The following PAM variants were observed in gnomAD, a reference collection of about 807,000 sequenced individuals.
The protein encoded by PAM is peptidylglycine alpha-amidating monooxygenase.
PAM carries 72 observed loss-of-function variants against 122.1 expected under a neutral mutation model. The observed-to-expected ratio is 0.59, with a 90% CI of 0.49 to 0.72. The LOEUF (loss-of-function observed/expected upper bound fraction) is 0.72, where lower values mean the gene tolerates loss of function less well. PAM is among the 30% of genes least tolerant of loss of function. The pLI, the probability that PAM is intolerant of heterozygous loss-of-function variation, is 0.00. For missense variants in PAM, 1,106 were observed against 1,183.7 expected (o/e 0.93, Z 0.96); for synonymous variants, 389 against 404.4 (o/e 0.96, Z 0.46).
intron 1 of PAM, among the ~76,000 whole-genome samples, chr5:102,857,193 C>G (rs989540236): frequency 6.6e-6 from 1 of 152,132 alleles, no homozygotes; most frequent in African/African-American, 2.4e-5. Context: ...GCAGTTTTAA[C>G]AGCTACTCCT....
At chr5:102,789,927 A>G (rs1282336296) in intron 1 of PAM, among the ~76,000 whole-genome samples, 1 of 152,168 alleles carries the variant, frequency 6.6e-6, no homozygotes, top group Non-Finnish European at 1.5e-5. Flanking sequence ...ATTCATATTC[A>G]TAAATATTCA....
intron 15 of PAM, among the ~76,000 whole-genome samples, chr5:102,981,031 T>A (rs1408070526): frequency 1.3e-5 from 2 of 152,180 alleles, no homozygotes; most frequent in Admixed American, 1.3e-4. Context: ...TTTTCCTTCT[T>A]GAAAATTTCC....
At position 103,011,194 on chromosome 5, in the gene PAM, T is replaced by C. The variant is rs181930397; in HGVS notation, c.2331+1328T>C. On this transcript the variant is annotated intron_variant, in intron 21 of 25. Coordinates refer to ENST00000438793, the MANE Select transcript of PAM (RefSeq NM_001177306.2). ...GAAGACTACCTGATGGAGAGCCACG[T>C]CTGTGACCCAATAATTCCCATCTTT... Among the ~76,000 whole-genome samples the C allele has an allele frequency of 6.1e-3, 925 of 152,334 alleles. 3 individuals carry two copies. Among genetic ancestry groups the C allele is most frequent in the Non-Finnish European group, 0.01 (688 of 68,036 alleles).
intron 1 of PAM, among the ~76,000 whole-genome samples, chr5:102,854,606 T>G (rs1184658089): frequency 6.6e-6 from 1 of 152,088 alleles, no homozygotes; most frequent in Non-Finnish European, 1.5e-5. Context: ...TTTTTTAAGC[T>G]CTCATTTTCC....
At chr5:102,882,468 G>A (rs1376760005) in intron 3 of PAM, among the ~76,000 whole-genome samples, 1 of 151,868 alleles carries the variant, frequency 6.6e-6, no homozygotes, top group Non-Finnish European at 1.5e-5. Flanking sequence ...GCATTTCCAT[G>A]ATTATTAGGG....
At chr5:102,930,832 C>G (rs1360168751) in intron 7 of PAM, among the ~76,000 whole-genome samples, 2 of 152,186 alleles carry the variant, frequency 1.3e-5, no homozygotes, top group African/African-American at 2.4e-5. Context: ...AATGTATAGA[C>G]TTTTAAATTT....
intron 4 of PAM, among the ~76,000 whole-genome samples, chr5:102,913,611 T>A (rs1370917450): frequency 1.3e-5 from 2 of 152,012 alleles, no homozygotes; most frequent in Non-Finnish European, 2.9e-5. Flanking sequence ...AAAGGAAATA[T>A]ACTGTGAATA....
intron 1 of PAM, among the ~76,000 whole-genome samples, chr5:102,841,986 A>C (rs1301913410): frequency 1.3e-5 from 2 of 152,124 alleles, no homozygotes; most frequent in Non-Finnish European, 2.9e-5. Flanking sequence ...GCTATACACA[A>C]AAATTGAGTA....
At chr5:102,814,901 T>TA (rs1259369850) in intron 1 of PAM, among the ~76,000 whole-genome samples, 1 of 151,996 alleles carries the variant, frequency 6.6e-6, no homozygotes, top group Non-Finnish European at 1.5e-5. Flanking sequence ...CTTTCTGTGA[T>TA]AGAGTTTTCC....
chr5:102,990,404 A>C lies in PAM; in HGVS notation c.1613+3A>C. On this transcript the variant is annotated splice_donor_region_variant and intron_variant, in intron 16 of 25. Coordinates refer to ENST00000438793, the MANE Select transcript of PAM (RefSeq NM_001177306.2). ...GGTGACCATGTCTGGGATGGAAAGT[A>C]AGTAATATTTTTTCTTCAATAAGCA... 6.4e-7 allele frequency: 1 copy of C among 1,573,482 alleles called. No individual in the cohort carries two copies. Among genetic ancestry groups the C allele is most frequent in the Non-Finnish European group, 8.6e-7 (1 of 1,156,356 alleles).
In PAM at chr5:102,828,570, T is replaced by G. The variant is rs115469585; in HGVS notation, c.-373-37253T>G. 1.4e-3 allele frequency among the ~76,000 whole-genome samples: 218 copies of G among 152,216 alleles called. 2 individuals carry two copies. Among genetic ancestry groups the G allele is most frequent in the African/African-American group, 5.1e-3 (212 of 41,528 alleles). On this transcript the variant is annotated intron_variant, in intron 1 of 25. Coordinates refer to ENST00000438793, the MANE Select transcript of PAM (RefSeq NM_001177306.2). ...TGTAGGTTACTTACCCTCTCTTGCT[T>G]CTCTAATCTATAAAATGGGGCTAAT...
At chr5:103,012,865 A>AAAG (rs1257841721) in intron 21 of PAM, among the ~76,000 whole-genome samples, 1 of 151,956 alleles carries the variant, frequency 6.6e-6, no homozygotes, top group South Asian at 2.1e-4. Context: ...CAAAAAAAAA[A>AAAG]AAAAAAATGA....
intron 1 of PAM, among the ~76,000 whole-genome samples, chr5:102,763,773 G>T (rs954938377): frequency 1.3e-5 from 2 of 152,192 alleles, no homozygotes; most frequent in African/African-American, 4.8e-5. Context: ...GAGCTACTGT[G>T]AGGCTGGACC....
intron 1 of PAM, among the ~76,000 whole-genome samples, chr5:102,861,339 G>A (rs115644143): frequency 1.3e-5 from 2 of 152,194 alleles, no homozygotes; most frequent in Non-Finnish European, 2.9e-5. Context: ...AATTAACACA[G>A]ATATAGTGAG....
intron 3 of PAM, among the ~76,000 whole-genome samples, chr5:102,896,799 CTGT>C (rs1171618419): frequency 3.3e-5 from 5 of 151,600 alleles, no homozygotes; most frequent in Non-Finnish European, 7.4e-5. Context: ...GGAATTTTAT[CTGT>C]TATTAAGTGT....
intron 1 of PAM, chr5:102,837,585 A>C (rs1204781968): frequency 6.6e-6 from 1 of 152,212 alleles, no homozygotes; most frequent in Non-Finnish European, 1.5e-5. Flanking sequence ...ATAAGGATTA[A>C]TTTAAGTAAC....
intron 1 of PAM, among the ~76,000 whole-genome samples, chr5:102,847,875 G>T (rs1406627108): frequency 6.6e-6 from 1 of 152,122 alleles, no homozygotes; most frequent in African/African-American, 2.4e-5. Flanking sequence ...GCCCTATTTT[G>T]AGAATTTATC....
intron 3 of PAM, among the ~76,000 whole-genome samples, chr5:102,873,982 T>C (rs1347204401): frequency 2.0e-5 from 3 of 152,212 alleles, no homozygotes; most frequent in Non-Finnish European, 4.4e-5. Context: ...GAAAGACTTA[T>C]GCAATGTGTA....
intron 17 of PAM, 133 bp downstream of exon 17, chr5:103,003,282 T>C (rs938064318): frequency 1.9e-6 from 1 of 532,886 alleles, no homozygotes; most frequent in African/African-American, 1.9e-5. Context: ...GGCCATCCCA[T>C]CTTTCATTTT....
Sources: allele counts gnomAD v4.1 joint callset (sites outside exome capture counted in the v4.1 genomes callset), GRCh38; gene constraint gnomAD v4.1.1; transcripts MANE v1.5; gene names NCBI Gene and HGNC (gene_info 2026-07-23, HGNC 2026-07-21).